GNB4: variants seen among roughly 807,000 people sequenced by gnomAD.
The protein encoded by GNB4 is G protein subunit beta 4.
A neutral mutation model predicts 45.2 loss-of-function variants in GNB4; 28 were observed. That is an observed-to-expected ratio of 0.62 (90% CI 0.46 to 0.85). The LOEUF (loss-of-function observed/expected upper bound fraction) is 0.85, where lower values mean the gene tolerates loss of function less well. Ranked by LOEUF, GNB4 falls within the 40% of genes least tolerant of loss-of-function variation. The pLI is 0.00. For synonymous variants in GNB4, 132 were observed against 143.7 expected (o/e 0.92, Z 0.58); for missense variants, 321 against 425.4 (o/e 0.75, Z 2.16).
the GNB4 span, among the ~76,000 whole-genome samples, chr3:179,487,140 A>G: frequency 6.6e-6 from 1 of 152,248 alleles, no homozygotes; most frequent in Non-Finnish European, 1.5e-5. Flanking sequence ...AAATGTGCTT[A>G]CTATGAATGT....
chr3:179,518,172 T>G, the GNB4 span, among the ~76,000 whole-genome samples: 2 of 152,178 alleles, frequency 1.3e-5, no homozygotes, highest in African/African-American at 2.4e-5. Flanking sequence ...ACACCTGACC[T>G]AAAACCTAAG....
Position 179,419,408 on chromosome 3 carries a change from T to C in GNB4, c.194A>G (p.Tyr65Cys), listed in dbSNP as rs112124161. 3 of 1,594,036 alleles carry C rather than the reference T, an allele frequency of 1.9e-6. No individual in the cohort carries two copies. The highest frequency in any genetic ancestry group is 2.2e-5 in the South Asian group (2 of 90,634). Residue 65 changes from tyrosine to cysteine, a missense_variant, in exon 4 of 10, where the codon TAC becomes TGC. Physicochemically the swap from Tyr to Cys is radical, Grantham distance 194. Transcript: ENST00000232564. Reference sequence around the variant, plus strand: ...AATGACAGGTACAAACCTGGAATCGTATCCCCAATGCATAGCATAGATTTT... The same window carrying C: ...AATGACAGGTACAAACCTGGAATCGCATCCCCAATGCATAGCATAGATTTT... The part of the protein sequence containing the change: ...LAKIYAMHWG[Y>C]DSRLLVSASQ...
At chr3:179,439,661 T>G (rs747320994) in intron 1 of GNB4, among the ~76,000 whole-genome samples, 3 of 152,196 alleles carry the variant, frequency 2.0e-5, no homozygotes, top group Non-Finnish European at 4.4e-5. Context: ...TCTCACTGCT[T>G]CTTCTGCTGT....
At chr3:179,482,894 C>T in the GNB4 span, among the ~76,000 whole-genome samples, 3 of 152,012 alleles carry the variant, frequency 2.0e-5, no homozygotes, top group African/African-American at 7.3e-5. Context: ...ACTTTTCTCC[C>T]CATAAAAGTT....
At chr3:179,499,155 C>CTTTTTTTT in the GNB4 span, among the ~76,000 whole-genome samples, 1 of 111,510 alleles carries the variant, frequency 9.0e-6, no homozygotes. Context: ...GCCACATTTT[C>CTTTTTTTT]TTTTTTTTTT....
At chr3:179,488,120 A>G in the GNB4 span, among the ~76,000 whole-genome samples, 4 of 152,106 alleles carry the variant, frequency 2.6e-5, no homozygotes, top group African/African-American at 7.2e-5. Flanking sequence ...CCTGTTCCAA[A>G]AGCCATCACT....
the GNB4 span, among the ~76,000 whole-genome samples, chr3:179,471,490 GC>G: frequency 2.0e-3 from 300 of 152,214 alleles, 2 homozygotes; most frequent in African/African-American, 6.8e-3. Flanking sequence ...TGTTATAATT[GC>G]CTACAGTATT....
At chr3:179,489,898 G>A in the GNB4 span, among the ~76,000 whole-genome samples, 29 of 152,184 alleles carry the variant, frequency 1.9e-4, 1 homozygote, top group Admixed American at 1.5e-3. Context: ...ACTGCTTTGC[G>A]TACAACACTT....
intron 8 of GNB4, chr3:179,410,487 G>A (rs189468666): frequency 3.9e-4 from 60 of 152,268 alleles, no homozygotes; most frequent in African/African-American, 1.4e-3. Flanking sequence ...AGATATCTGA[G>A]GACTGTGACA....
At chr3:179,455,191 G>T (rs7612445), upstream of GNB4, among the ~76,000 whole-genome samples, 36,831 of 152,072 alleles carry the variant, frequency 0.24, 5,013 homozygotes, top group Middle Eastern at 0.44. Context: ...CTTAAGAGAG[G>T]GTCAATGATA....
the GNB4 span, among the ~76,000 whole-genome samples, chr3:179,525,426 A>G: frequency 6.6e-6 from 1 of 152,152 alleles, no homozygotes; most frequent in African/African-American, 2.4e-5. Flanking sequence ...CCCATAGTGA[A>G]GGAGGCAAGC....
intron 8 of GNB4, among the ~76,000 whole-genome samples, chr3:179,411,518 TGAAA>T (rs1463203454): frequency 6.7e-6 from 1 of 148,290 alleles, no homozygotes; most frequent in Non-Finnish European, 1.5e-5. Flanking sequence ...TTTAAGTGGC[TGAAA>T]AAAAACCACA....
the GNB4 span, among the ~76,000 whole-genome samples, chr3:179,479,154 G>T: frequency 1.3e-5 from 2 of 152,046 alleles, no homozygotes; most frequent in African/African-American, 4.8e-5. Flanking sequence ...TAGAAATGGG[G>T]TCACTGTCTT....
the GNB4 span, among the ~76,000 whole-genome samples, chr3:179,527,127 C>G: frequency 6.6e-6 from 1 of 151,922 alleles, no homozygotes; most frequent in East Asian, 1.9e-4. Context: ...AGTATGGAGT[C>G]AATGACTTCT....
chr3:179,492,517 C>A, the GNB4 span, among the ~76,000 whole-genome samples: 1 of 152,110 alleles, frequency 6.6e-6, no homozygotes, highest in Non-Finnish European at 1.5e-5. Context: ...CCTGAGTTGC[C>A]ACTGTGTCAC....
chr3:179,398,716 CAA>C lies in GNB4; in HGVS notation c.*2495_*2496del, dbSNP rs1173643052. 1 of 152,036 alleles carries C rather than the reference CAA, an allele frequency of 6.6e-6. No homozygotes were observed. The highest frequency in any genetic ancestry group is 1.5e-5 in the Non-Finnish European group (1 of 68,006). The allele number at this position is 152,036 out of a possible 1,614,324, so 9.4% of individuals were successfully genotyped here. A position where few individuals can be genotyped will look rare whatever the true frequency, so the allele number is the denominator to read the frequency against. ...CAGCTCAACTTAAACTGTAAGTAAA[CAA>C]ATATATTTAGCAACTGGAGCCCCTA... On this transcript the variant is annotated 3_prime_UTR_variant, in exon 10 of 10. Coordinates refer to ENST00000232564, the MANE Select transcript of GNB4 (RefSeq NM_021629.4).
the GNB4 span, among the ~76,000 whole-genome samples, chr3:179,509,640 C>A: frequency 4.0e-5 from 6 of 151,078 alleles, no homozygotes; most frequent in African/African-American, 1.5e-4. Context: ...CACCCTTTGG[C>A]CCTCCCTTCC....
chr3:179,402,197 T>G (rs1714324493), intron 9 of GNB4, among the ~76,000 whole-genome samples: 1 of 152,158 alleles, frequency 6.6e-6, no homozygotes, highest in Non-Finnish European at 1.5e-5. Flanking sequence ...GCTAAATACT[T>G]TAAGTCACAC....
chr3:179,423,228 G>C (rs1407746636), intron 2 of GNB4, among the ~76,000 whole-genome samples: 6 of 152,194 alleles, frequency 3.9e-5, no homozygotes, highest in African/African-American at 9.7e-5. Flanking sequence ...TGGGATGCTA[G>C]TGAGATACGG....
Sources: allele counts gnomAD v4.1 joint callset (sites outside exome capture counted in the v4.1 genomes callset), GRCh38; gene constraint gnomAD v4.1.1; transcripts MANE v1.5; gene names NCBI Gene and HGNC (gene_info 2026-07-23, HGNC 2026-07-21).